PIGN: variants seen among roughly 807,000 people sequenced by gnomAD.
The protein encoded by PIGN is GPI ethanolamine phosphate transferase 1.
In PIGN, 117 loss-of-function variants were observed where a neutral mutation model predicts 125.4. That is an observed-to-expected ratio of 0.93 (90% CI 0.80 to 1.09). PIGN has a LOEUF of 1.09. Ranked by LOEUF, PIGN falls within the 50% of genes least tolerant of loss-of-function variation. PIGN has a pLI of 0.00. For synonymous variants in PIGN, 392 were observed against 377.8 expected, an observed-to-expected ratio of 1.04 and a Z score of -0.44; for missense variants, 1,075 against 1,094.9, an observed-to-expected ratio of 0.98 and a Z score of 0.26.
chr18:62,039,431 T>C (rs1275067707), downstream of PIGN, among the ~76,000 whole-genome samples: 2 of 152,040 alleles, frequency 1.3e-5, no homozygotes, highest in Non-Finnish European at 2.9e-5. Flanking sequence ...TTACCTGATG[T>C]CCTTTTCTGT....
intron 9 of PIGN, 144 bp downstream of exon 9, chr18:62,146,827 G>T: frequency 5.6e-6 from 4 of 713,916 alleles, no homozygotes; most frequent in Non-Finnish European, 8.2e-6. Context: ...TTGTTTTTTA[G>T]GCTAACATTT....
chr18:62,173,792 G>A (rs150787878), intron 1 of PIGN, among the ~76,000 whole-genome samples: 5 of 152,254 alleles, frequency 3.3e-5, no homozygotes, highest in Non-Finnish European at 7.4e-5. Flanking sequence ...ATAGTCATAT[G>A]GTCACTAAAT....
intron 11 of PIGN, among the ~76,000 whole-genome samples, chr18:62,141,247 C>T (rs895764928): frequency 6.6e-6 from 1 of 152,174 alleles, no homozygotes; most frequent in Non-Finnish European, 1.5e-5. Flanking sequence ...TTGCTTGATT[C>T]CTTTATCAGT....
At chr18:62,096,536 T>TTA (rs2034203848) in intron 22 of PIGN, among the ~76,000 whole-genome samples, 1 of 139,562 alleles carries the variant, frequency 7.2e-6, no homozygotes, top group African/African-American at 2.7e-5. Flanking sequence ...TTTTTTTTTT[T>TTA]TTTTTTTATT....
intron 1 of PIGN, among the ~76,000 whole-genome samples, chr18:62,169,712 C>T (rs890803422): frequency 1.3e-5 from 2 of 152,186 alleles, no homozygotes; most frequent in Non-Finnish European, 2.9e-5. Context: ...CCTTGACCTC[C>T]TGGGCTCAAG....
intron 23 of PIGN, among the ~76,000 whole-genome samples, chr18:62,028,902 C>T (rs2030159535): frequency 6.6e-6 from 1 of 152,218 alleles, no homozygotes; most frequent in Admixed American, 6.5e-5. Flanking sequence ...TTGTCCTTTG[C>T]AGCAGTAGAT....
rs2030379980 is a variant in PIGN, at chr18:62,041,642, T to TGTGG, written c.*4213_*4214insCCAC. Reference sequence around the variant, plus strand: ...TACAGGAGCCTACCACCCCGCCGGGTGTGTGTGTGTGTGTGTGTGTGTGTG... The same window carrying TGTGG: ...TACAGGAGCCTACCACCCCGCCGGGTGTGGGTGTGTGTGTGTGTGTGTGTGTGTG... On this transcript the variant is annotated 3_prime_UTR_variant, in exon 31 of 31. Coordinates refer to ENST00000640252, the MANE Select transcript of PIGN (RefSeq NM_176787.5). 2.9e-5 allele frequency: 1 copy of TGTGG among 34,014 alleles called. No individual in the cohort carries two copies. Among genetic ancestry groups the TGTGG allele is most frequent in the Non-Finnish European group, 6.8e-5 (1 of 14,670 alleles). 2.1% of individuals were successfully genotyped at this position (34,014 alleles called of 1,614,324 possible).
chr18:62,073,975 GGGATTAAA>G (rs2033035107), intron 29 of PIGN, among the ~76,000 whole-genome samples: 2 of 152,186 alleles, frequency 1.3e-5, no homozygotes, highest in African/African-American at 4.8e-5. Context: ...ATCCCCAGAA[GGGATTAAA>G]GGTCAGCCAG....
chr18:62,097,296 T>C (rs1351849470), intron 22 of PIGN, among the ~76,000 whole-genome samples: 1 of 131,864 alleles, frequency 7.6e-6, no homozygotes, highest in Admixed American at 8.1e-5. Flanking sequence ...AAGAAGACAT[T>C]TATGCAGCCA....
In PIGN at chr18:62,175,643, C is replaced by T. The variant is rs368889188; in HGVS notation, c.-236+11201G>A. ...CTGGGATTACAGGTGTAAGCCACCA[C>T]ACCCGGCCAAATGCATGTTTCTAAT... On this transcript the variant is annotated intron_variant, in intron 1 of 30. Coordinates refer to ENST00000640252, the MANE Select transcript of PIGN (RefSeq NM_176787.5). Among the ~76,000 whole-genome samples, 21 of 152,276 alleles carry T rather than the reference C, an allele frequency of 1.4e-4. No individual in the cohort carries two copies. In the East Asian group the frequency reaches 2.5e-3, roughly 18 times the overall value.
intron 1 of PIGN, among the ~76,000 whole-genome samples, chr18:62,174,075 A>G (rs1372777573): frequency 1.3e-5 from 2 of 152,216 alleles, no homozygotes; most frequent in Non-Finnish European, 2.9e-5. Context: ...TTAGCTGGGC[A>G]TGGTGGCGGG....
At chr18:62,049,122 T>C (rs2031019212) in intron 30 of PIGN, among the ~76,000 whole-genome samples, 2 of 151,124 alleles carry the variant, frequency 1.3e-5, no homozygotes. Flanking sequence ...TTTGGGTTGG[T>C]TCCAAGTCTT....
At chr18:62,108,824 G>A (rs1484789914) in intron 17 of PIGN, among the ~76,000 whole-genome samples, 1 of 152,166 alleles carries the variant, frequency 6.6e-6, no homozygotes, top group Non-Finnish European at 1.5e-5. Context: ...CTGACCTCAA[G>A]TGATCCACCT....
chr18:62,107,264 A>G (rs2034684646), intron 17 of PIGN, among the ~76,000 whole-genome samples, 179 bp from the exon 18 acceptor site: 2 of 152,148 alleles, frequency 1.3e-5, no homozygotes, highest in Admixed American at 1.3e-4. Context: ...TTTTTAATCT[A>G]GAAGTATTTT....
chr18:62,105,287 C>CAA, intron 20 of PIGN: 1 of 256,032 alleles, frequency 3.9e-6, no homozygotes, highest in Non-Finnish European at 7.5e-6. Flanking sequence ...TAGACTTAAA[C>CAA]AAAAAAAAAT....
intron 7 of PIGN, among the ~76,000 whole-genome samples, chr18:62,149,750 T>C (rs1297950565): frequency 6.6e-6 from 1 of 152,306 alleles, no homozygotes. Flanking sequence ...GACATAACTT[T>C]GAAGATAAAA....
At chr18:62,160,586 G>C (rs1300531158) in intron 4 of PIGN, among the ~76,000 whole-genome samples, 1 of 150,564 alleles carries the variant, frequency 6.6e-6, no homozygotes, top group South Asian at 2.1e-4. Context: ...GCACCATCTC[G>C]GCTCACTGCA....
In PIGN at chr18:62,045,916, G is replaced by C. The variant is rs757391517; in HGVS notation, c.2736C>G (p.Ala912=). 10 of 1,613,570 alleles carry C rather than the reference G, an allele frequency of 6.2e-6. No homozygotes were observed. The East Asian group carries it at 2.0e-4, about 32-fold the overall frequency. Residue 912 remains alanine (A), a synonymous_variant, in exon 31 of 31, where the codon GCC becomes GCG. Coordinates refer to ENST00000640252, the MANE Select transcript of PIGN (RefSeq NM_176787.5). The part of the protein sequence containing the change: ...TIFLVFLNGL[A]QLLTTKKLRL... ...TGAGTTTCTTCGTTGTGAGCAGCTGGGCCAGGCCATTGAGGAACACCAAAA... is the reference window on the plus strand; with the variant it reads ...TGAGTTTCTTCGTTGTGAGCAGCTGCGCCAGGCCATTGAGGAACACCAAAA...
intron 24 of PIGN, among the ~76,000 whole-genome samples, chr18:62,089,056 T>C (rs1012265160): frequency 1.3e-5 from 2 of 152,142 alleles, no homozygotes; most frequent in South Asian, 2.1e-4. Context: ...GCTAATAATA[T>C]ATAGAACACA....
Sources: allele counts gnomAD v4.1 joint callset (sites outside exome capture counted in the v4.1 genomes callset), GRCh38; gene constraint gnomAD v4.1.1; transcripts MANE v1.5; gene names NCBI Gene and HGNC (gene_info 2026-07-23, HGNC 2026-07-21).